The following IQCB1 variants were observed in gnomAD, a reference collection of about 807,000 sequenced individuals.
IQCB1 encodes the protein IQ calmodulin-binding motif-containing protein 1.
Under a neutral mutation model 84.4 loss-of-function variants are expected in IQCB1, and 56 were observed. The observed-to-expected ratio is 0.66, with a 90% CI of 0.54 to 0.83. The LOEUF is 0.83. IQCB1 is among the 40% of genes least tolerant of loss of function. The pLI is 0.00. For synonymous variants in IQCB1, 210 were observed against 234.8 expected (o/e 0.89, Z 0.96); for missense variants, 629 against 682.1 (o/e 0.92, Z 0.87).
In IQCB1 at chr3:121,799,233, T is replaced by A; in HGVS notation, c.729A>T (p.Glu243Asp). Residue 243 changes from glutamate (E) to aspartate (D), a missense_variant, in exon 8 of 15, where the codon GAA becomes GAT. Coordinates refer to ENST00000310864, the MANE Select transcript of IQCB1 (RefSeq NM_001023570.4). Reference protein sequence around the residue: ...LLLLMAESHQEILILLRQSTC... With the variant: ...LLLLMAESHQDILILLRQSTC... ...TACTTTGTCTCAGTAAAATCAAAAT[T>A]TCCTGATGGGATTCAGCCATCAACA... 1 of 1,610,696 alleles carries A rather than the reference T, an allele frequency of 6.2e-7. No homozygotes were observed. Among genetic ancestry groups the A allele is most frequent in the Non-Finnish European group, 8.5e-7 (1 of 1,177,968 alleles).
At chr3:121,770,620 C>G in intron 14 of IQCB1, 46 bp from the exon 15 acceptor site, 1 of 1,463,006 alleles carries the variant, frequency 6.8e-7, no homozygotes. Flanking sequence ...AGTCCTATGC[C>G]AAGCAGGTAG....
In IQCB1 at chr3:121,781,873, G is replaced by A. The variant is rs138646990; in HGVS notation, c.1280C>T (p.Ala427Val). The A allele has an allele frequency of 2.0e-5, 33 of 1,612,396 alleles. No individual in the cohort carries two copies. In the Admixed American group the frequency reaches 2.2e-4, roughly 11 times the overall value. The change falls in exon 13 of 15, where the codon GCG becomes GTG. Residue 427 changes from alanine (A) to valine (V), a missense_variant and splice_region_variant. Transcript: ENST00000310864. Reference sequence around the variant, plus strand: ...ACGGCACTTCGCTAGGAATTTAAGCGCCTGGAAGAAAAAAAATTGAAGGTT... The same window carrying A: ...ACGGCACTTCGCTAGGAATTTAAGCACCTGGAAGAAAAAAAATTGAAGGTT... ...YKAAVTLQRA[A>V]LKFLAKCRKK...
At chr3:121,792,587 G>A (rs1224128151) in intron 10 of IQCB1, among the ~76,000 whole-genome samples, 2 of 140,636 alleles carry the variant, frequency 1.4e-5, no homozygotes, top group South Asian at 4.7e-4. Context: ...GTGTGAACCC[G>A]GGAGGCGGAG....
At chr3:121,808,377 T>C (rs1364267518) in intron 6 of IQCB1, among the ~76,000 whole-genome samples, 2 of 151,986 alleles carry the variant, frequency 1.3e-5, no homozygotes, top group Non-Finnish European at 2.9e-5. Context: ...GAGAGCACCA[T>C]GAATGTAACT....
At chr3:121,828,385 A>T in intron 4 of IQCB1, 85 bp downstream of exon 4, 1 of 1,179,398 alleles carries the variant, frequency 8.5e-7, no homozygotes, top group Non-Finnish European at 1.3e-6. Flanking sequence ...AATGCTTGTT[A>T]GGCAGATAAA....
At chr3:121,828,358 T>C in intron 4 of IQCB1, 112 bp downstream of exon 4, 1 of 888,328 alleles carries the variant, frequency 1.1e-6, no homozygotes, top group Non-Finnish European at 1.9e-6. Flanking sequence ...AACCAAAACC[T>C]ACAACAGGAG....
intron 13 of IQCB1, among the ~76,000 whole-genome samples, chr3:121,780,527 A>G (rs898943451): frequency 6.6e-6 from 1 of 152,200 alleles, no homozygotes; most frequent in Non-Finnish European, 1.5e-5. Flanking sequence ...CACAGACTCC[A>G]TTAGGTTTTA....
intron 12 of IQCB1, among the ~76,000 whole-genome samples, chr3:121,784,117 C>T (rs1307994831): frequency 1.3e-5 from 2 of 151,236 alleles, no homozygotes; most frequent in Non-Finnish European, 2.9e-5. Flanking sequence ...TTTCCATCTT[C>T]TGTTTTTTCT....
chr3:121,829,922 TA>T, intron 2 of IQCB1, among the ~76,000 whole-genome samples: 1 of 152,022 alleles, frequency 6.6e-6, no homozygotes, highest in East Asian at 1.9e-4. Flanking sequence ...GTATAGTGAA[TA>T]AGGCCAGGGG....
intron 2 of IQCB1, among the ~76,000 whole-genome samples, chr3:121,829,840 C>T (rs1950572721): frequency 6.6e-6 from 1 of 152,172 alleles, no homozygotes; most frequent in East Asian, 1.9e-4. Flanking sequence ...CCTAGTGAAG[C>T]ACTGACCTTC....
intron 5 of IQCB1, among the ~76,000 whole-genome samples, chr3:121,819,357 G>A (rs762457084): frequency 7.2e-5 from 11 of 152,060 alleles, no homozygotes; most frequent in African/African-American, 2.2e-4. Flanking sequence ...TAATGTTACC[G>A]CTGATCTGAC....
In IQCB1 at chr3:121,770,454, G is replaced by A. The variant is rs767653545; in HGVS notation, c.1688C>T (p.Pro563Leu). The A allele has an allele frequency of 6.8e-6, 11 of 1,614,168 alleles. No homozygotes were observed. The South Asian group carries it at 7.7e-5, about 11-fold the overall frequency. Residue 563 changes from proline to leucine, a missense_variant, in exon 15 of 15, where the codon CCC (proline) becomes CTC (leucine). Transcript: ENST00000310864. ...HLTTLKHIQA[P>L]WWKKLGEESG... ...TTCTTCTCCAAGCTTCTTCCACCAG[G>A]GTGCTTGTATGTGCTTCAGGGTTGT...
At chr3:121,778,135 T>C (rs926240357) in intron 13 of IQCB1, among the ~76,000 whole-genome samples, 13 of 152,288 alleles carry the variant, frequency 8.5e-5, no homozygotes, top group Admixed American at 2.0e-4. Flanking sequence ...CTCGAATTCC[T>C]GGGCTCAAGC....
Position 121,770,383 on chromosome 3 carries a change from A to C in IQCB1, c.1759T>G (p.Leu587Val). Reference sequence around the variant, plus strand: ...GTTCCACCAATGAATAAATTTTCTAATTCTATACTAAGCTCATCCTTTGGA... The same window carrying C: ...GTTCCACCAATGAATAAATTTTCTACTTCTATACTAAGCTCATCCTTTGGA... ...DVPKDELSIE[L>V]ENLFIGGTKP... The change falls in exon 15 of 15, where the codon TTA becomes GTA. Residue 587 changes from leucine to valine, a missense_variant. Physicochemically the swap from Leu to Val is conservative, Grantham distance 32. Coordinates refer to ENST00000310864, the MANE Select transcript of IQCB1 (RefSeq NM_001023570.4). 6.2e-7 allele frequency: 1 copy of C among 1,614,042 alleles called. No homozygotes were observed. Among genetic ancestry groups the C allele is most frequent in the African/African-American group, 1.3e-5 (1 of 75,030 alleles).
chr3:121,804,214 C>T (rs982838286), intron 7 of IQCB1, among the ~76,000 whole-genome samples: 1 of 152,076 alleles, frequency 6.6e-6, no homozygotes, highest in African/African-American at 2.4e-5. Flanking sequence ...TTCCATTTAT[C>T]TCCTCCCAGC....
intron 7 of IQCB1, among the ~76,000 whole-genome samples, chr3:121,799,696 T>C (rs1949333204): frequency 6.6e-6 from 1 of 151,818 alleles, no homozygotes. Context: ...CAATAAATAA[T>C]TTAAAAGCTT....
intron 7 of IQCB1, among the ~76,000 whole-genome samples, chr3:121,807,009 T>C (rs1284346803): frequency 6.6e-6 from 1 of 152,028 alleles, no homozygotes; most frequent in East Asian, 1.9e-4. Flanking sequence ...TCAATATTTT[T>C]CTTCAGATTA....
intron 5 of IQCB1, among the ~76,000 whole-genome samples, chr3:121,818,667 CA>C (rs749857051): frequency 2.6e-5 from 4 of 151,946 alleles, no homozygotes; most frequent in Admixed American, 2.6e-4. Flanking sequence ...TAAGTATTAC[CA>C]AAAAAACCTG....
chr3:121,793,523 C>T (rs192335951), intron 10 of IQCB1, among the ~76,000 whole-genome samples: 54 of 152,146 alleles, frequency 3.5e-4, no homozygotes, highest in African/African-American at 1.3e-3. Context: ...AAGCAAGAGA[C>T]ATTTGCATGA....
Sources: allele counts gnomAD v4.1 joint callset (sites outside exome capture counted in the v4.1 genomes callset), GRCh38; gene constraint gnomAD v4.1.1; transcripts MANE v1.5; gene names NCBI Gene and HGNC (gene_info 2026-07-23, HGNC 2026-07-21).